RIMS1: variants seen among roughly 807,000 people sequenced by gnomAD.
RIMS1 encodes the protein regulating synaptic membrane exocytosis protein 1.
A neutral mutation model predicts 214.1 loss-of-function variants in RIMS1; 83 were observed. The observed-to-expected ratio is 0.39, with a 90% confidence interval of 0.32 to 0.47. RIMS1 has a LOEUF of 0.47. RIMS1 is among the 20% of genes least tolerant of loss of function. The pLI is 0.99. For synonymous variants in RIMS1, 793 were observed against 786.8 expected (o/e 1.01, Z -0.13); for missense variants, 2,050 against 2,161.8 (o/e 0.95, Z 1.03).
intron 29 of RIMS1, among the ~76,000 whole-genome samples, chr6:72,337,441 G>A (rs1287898308): frequency 6.6e-6 from 1 of 151,624 alleles, no homozygotes; most frequent in Non-Finnish European, 1.5e-5. Flanking sequence ...TTTCTAAGTG[G>A]ATAAAAGTAA....
intron 28 of RIMS1, among the ~76,000 whole-genome samples, chr6:72,330,002 C>G (rs1017360660): frequency 4.0e-5 from 6 of 151,706 alleles, no homozygotes; most frequent in Admixed American, 1.3e-4. Flanking sequence ...TGCTTGGAAC[C>G]AGGTGAGACA....
At chr6:72,183,184 G>T (rs1341544232) in intron 6 of RIMS1, 35 bp downstream of exon 6, 2 of 1,574,058 alleles carry the variant, frequency 1.3e-6, no homozygotes, top group South Asian at 2.3e-5. Context: ...GGGGACTTCA[G>T]CCAAGTGAAG....
intron 1 of RIMS1, among the ~76,000 whole-genome samples, chr6:71,887,719 C>G (rs1052197930): frequency 6.6e-6 from 1 of 152,144 alleles, no homozygotes; most frequent in African/African-American, 2.4e-5. Context: ...ATTCATCTCA[C>G]AGATCAAGGT....
At chr6:71,988,710 ATAAT>A (rs1258720029) in intron 2 of RIMS1, among the ~76,000 whole-genome samples, 3 of 152,338 alleles carry the variant, frequency 2.0e-5, no homozygotes, top group East Asian at 1.9e-4. Context: ...AGTTGTTGGA[ATAAT>A]TAATTAAACT....
chr6:72,084,980 A>C (rs547757068), intron 2 of RIMS1, among the ~76,000 whole-genome samples: 2 of 152,314 alleles, frequency 1.3e-5, no homozygotes, highest in South Asian at 4.1e-4. Flanking sequence ...AGAAATTGCA[A>C]CATTTTATAA....
At chr6:72,042,947 T>C (rs1821866351) in intron 2 of RIMS1, among the ~76,000 whole-genome samples, 1 of 151,774 alleles carries the variant, frequency 6.6e-6, no homozygotes, top group African/African-American at 2.4e-5. Context: ...CTACTCAAAA[T>C]GCTCAAAAGA....
At position 72,307,254 on chromosome 6, in the gene RIMS1, G is replaced by T. The variant is rs764588841; in HGVS notation, c.3851-4G>T. On this transcript the variant is annotated splice_polypyrimidine_tract_variant and splice_region_variant and intron_variant, in intron 26 of 33. Coordinates refer to ENST00000521978, the MANE Select transcript of RIMS1 (RefSeq NM_014989.7). ...TAATAGGCTTCCATTATGTGTTTTT[G>T]CAGCAAGCTTAGTAGTGGAGGAGCG... is the stretch of plus-strand genomic sequence containing the variant. 6.3e-7 allele frequency: 1 copy of T among 1,583,580 alleles called. No homozygotes were observed. The highest frequency in any genetic ancestry group is 8.6e-7 in the Non-Finnish European group (1 of 1,162,058).
chr6:72,036,332 C>G (rs981470631), intron 2 of RIMS1, among the ~76,000 whole-genome samples: 2 of 152,150 alleles, frequency 1.3e-5, no homozygotes, highest in Non-Finnish European at 1.5e-5. Flanking sequence ...GCAGTAATGT[C>G]GGGAATATCT....
intron 28 of RIMS1, among the ~76,000 whole-genome samples, chr6:72,320,289 G>T (rs1414306475): frequency 6.6e-6 from 1 of 152,076 alleles, no homozygotes; most frequent in Non-Finnish European, 1.5e-5. Context: ...AAAACTAAAC[G>T]GGGAGGAGAA....
intron 4 of RIMS1, among the ~76,000 whole-genome samples, chr6:72,148,078 A>G (rs1169195731): frequency 6.6e-6 from 1 of 152,190 alleles, no homozygotes; most frequent in African/African-American, 2.4e-5. Context: ...TAAATTTGTA[A>G]TTTCTTACCA....
At chr6:72,292,623 A>G (rs71557819) in intron 26 of RIMS1, among the ~76,000 whole-genome samples, 1 of 152,130 alleles carries the variant, frequency 6.6e-6, no homozygotes, top group South Asian at 2.1e-4. Context: ...GAGAATGTAT[A>G]CGGTCTGATT....
At chr6:72,376,707 A>G (rs1359938161) in intron 29 of RIMS1, among the ~76,000 whole-genome samples, 1 of 151,342 alleles carries the variant, frequency 6.6e-6, no homozygotes, top group East Asian at 1.9e-4. Flanking sequence ...AAATCACATC[A>G]TTGCACTCCA....
chr6:72,259,133 T>C, intron 18 of RIMS1, 22 bp downstream of exon 18: 2 of 1,603,578 alleles, frequency 1.2e-6, no homozygotes, highest in Non-Finnish European at 1.7e-6. Context: ...AATTATGATC[T>C]CAACGTTATG....
At chr6:72,230,628 G>A (rs1161424208) in intron 6 of RIMS1, among the ~76,000 whole-genome samples, 1 of 151,436 alleles carries the variant, frequency 6.6e-6, no homozygotes, top group Non-Finnish European at 1.5e-5. Context: ...TAGAGATAGA[G>A]TTACATGTTT....
intron 4 of RIMS1, among the ~76,000 whole-genome samples, chr6:72,118,325 C>A (rs1158272957): frequency 6.7e-6 from 1 of 149,332 alleles, no homozygotes; most frequent in Non-Finnish European, 1.5e-5. Flanking sequence ...TTTTATTTTT[C>A]AGTAATTAAA....
chr6:71,937,971 G>A (rs1172166239), intron 1 of RIMS1, among the ~76,000 whole-genome samples: 1 of 152,124 alleles, frequency 6.6e-6, no homozygotes, highest in Non-Finnish European at 1.5e-5. Context: ...TGAGACTCAA[G>A]GCATGATTCG....
intron 1 of RIMS1, among the ~76,000 whole-genome samples, chr6:71,938,050 C>T (rs73748961): frequency 8.4e-4 from 128 of 152,284 alleles, no homozygotes; most frequent in African/African-American, 3.0e-3. Flanking sequence ...AATGGTGAGA[C>T]AGCCACAGGA....
chr6:72,057,636 T>G (rs1479965033), intron 2 of RIMS1, among the ~76,000 whole-genome samples: 1 of 151,216 alleles, frequency 6.6e-6, no homozygotes, highest in Non-Finnish European at 1.5e-5. Flanking sequence ...GCCTCCGGAG[T>G]AGCTGGGACT....
chr6:72,208,138 A>G (rs2053240656), intron 6 of RIMS1, among the ~76,000 whole-genome samples: 1 of 152,224 alleles, frequency 6.6e-6, no homozygotes, highest in Non-Finnish European at 1.5e-5. Context: ...AAGGATGAAT[A>G]TAAAACTTGA....
Sources: allele counts gnomAD v4.1 joint callset (sites outside exome capture counted in the v4.1 genomes callset), GRCh38; gene constraint gnomAD v4.1.1; transcripts MANE v1.5; gene names NCBI Gene and HGNC (gene_info 2026-07-23, HGNC 2026-07-21).